Variants in TMPRSS11F observed in about 807,000 individuals in gnomAD.
TMPRSS11F encodes the protein transmembrane protease serine 11F.
Under a neutral mutation model 60.2 loss-of-function variants are expected in TMPRSS11F, and 47 were observed. The observed-to-expected ratio is 0.78, with a 90% confidence interval of 0.62 to 1.00. The LOEUF is 1.00. Among genes scored for constraint, TMPRSS11F ranks in the 50% least tolerant of loss-of-function variants. The pLI is 0.00. For synonymous variants in TMPRSS11F, 166 were observed against 167.3 expected (o/e 0.99, Z 0.06); for missense variants, 519 against 522.9 (o/e 0.99, Z 0.07).
chr4:68,063,352 T>C lies in TMPRSS11F; in HGVS notation c.1015+1333A>G, dbSNP rs185361665. 2.4e-4 allele frequency: 106 copies of C among 442,614 alleles called. 1 individual carries two copies. In the Admixed American group the frequency reaches 3.0e-3, roughly 12 times the overall value. 27.4% of individuals were successfully genotyped at this position (442,614 alleles called of 1,614,324 possible). On this transcript the variant is annotated intron_variant, in intron 8 of 9. Transcript: ENST00000356291. ...TCATTAAAACATTCAGTTAATCTTTTTCTCTCTTTTTTTTTGTTTTCTGTT... is the reference window on the plus strand; with the variant it reads ...TCATTAAAACATTCAGTTAATCTTTCTCTCTCTTTTTTTTTGTTTTCTGTT...
chr4:68,092,793 C>T (rs1279401161), intron 2 of TMPRSS11F, among the ~76,000 whole-genome samples: 1 of 152,014 alleles, frequency 6.6e-6, no homozygotes, highest in Admixed American at 6.6e-5. Flanking sequence ...ATACATATCC[C>T]TATATTGTCT....
chr4:68,088,599 A>C (rs1213833335), intron 3 of TMPRSS11F, among the ~76,000 whole-genome samples: 1 of 152,144 alleles, frequency 6.6e-6, no homozygotes, highest in Non-Finnish European at 1.5e-5. Flanking sequence ...CATTTTTTTC[A>C]GCACCACACC....
chr4:68,077,775 C>G (rs1295830187), intron 3 of TMPRSS11F: 3 of 152,282 alleles, frequency 2.0e-5, no homozygotes, highest in Non-Finnish European at 4.4e-5. Flanking sequence ...CAGATATCCA[C>G]AGAATATGAG....
intron 1 of TMPRSS11F, among the ~76,000 whole-genome samples, chr4:68,113,477 G>A (rs1305799821): frequency 6.6e-6 from 1 of 150,488 alleles, no homozygotes; most frequent in African/African-American, 2.4e-5. Flanking sequence ...AAAGAAGTAT[G>A]TCTGTATTAA....
intron 1 of TMPRSS11F, among the ~76,000 whole-genome samples, chr4:68,128,654 A>G (rs887799955): frequency 1.3e-5 from 2 of 152,134 alleles, no homozygotes; most frequent in Non-Finnish European, 2.9e-5. Flanking sequence ...CTAATTTTTT[A>G]AAGAAATTTT....
At chr4:68,109,441 A>C (rs928516992) in intron 1 of TMPRSS11F, among the ~76,000 whole-genome samples, 2 of 152,178 alleles carry the variant, frequency 1.3e-5, no homozygotes, top group Admixed American at 6.5e-5. Flanking sequence ...AAGAAATATG[A>C]ATAGGAATTA....
chr4:68,125,267 A>G (rs1724694656), intron 1 of TMPRSS11F, among the ~76,000 whole-genome samples: 1 of 151,882 alleles, frequency 6.6e-6, no homozygotes, highest in Non-Finnish European at 1.5e-5. Context: ...TCACCTGATA[A>G]TAATGCTATA....
intron 1 of TMPRSS11F, among the ~76,000 whole-genome samples, chr4:68,129,032 C>A (rs1401482747): frequency 6.6e-6 from 1 of 152,036 alleles, no homozygotes; most frequent in African/African-American, 2.4e-5. Flanking sequence ...TCAGTCAGTG[C>A]AGAACATGTG....
At chr4:68,109,867 T>C (rs1380312022) in intron 1 of TMPRSS11F, among the ~76,000 whole-genome samples, 1 of 152,168 alleles carries the variant, frequency 6.6e-6, no homozygotes, top group Non-Finnish European at 1.5e-5. Context: ...CATGAGATAA[T>C]TGATGACATC....
chr4:68,102,985 T>TTG (rs1215070072), intron 1 of TMPRSS11F, among the ~76,000 whole-genome samples: 1 of 3,918 alleles, frequency 2.6e-4, no homozygotes, highest in African/African-American at 2.6e-4. Context: ...TTTTGAGTTG[T>TTG]TTTTTTTTTT....
chr4:68,091,683 AT>A (rs762121122), intron 2 of TMPRSS11F, among the ~76,000 whole-genome samples: 4 of 151,488 alleles, frequency 2.6e-5, no homozygotes, highest in Non-Finnish European at 5.9e-5. Flanking sequence ...TTTCATCCTC[AT>A]TTCCAATATC....
At chr4:68,099,150 C>T (rs925954287) in intron 1 of TMPRSS11F, 112 bp from the exon 2 acceptor site, 2 of 845,280 alleles carry the variant, frequency 2.4e-6, no homozygotes, top group Admixed American at 6.4e-5. Flanking sequence ...TAACAGTGAG[C>T]AACTTAGACC....
chr4:68,071,714 C>T (rs1001761254), intron 5 of TMPRSS11F, among the ~76,000 whole-genome samples: 3 of 151,952 alleles, frequency 2.0e-5, no homozygotes, highest in South Asian at 2.1e-4. Context: ...CCTTTTCTTC[C>T]GCTTTGGAAG....
chr4:68,115,087 C>T (rs140977014), intron 1 of TMPRSS11F, among the ~76,000 whole-genome samples: 44 of 151,028 alleles, frequency 2.9e-4, no homozygotes, highest in African/African-American at 9.9e-4. Context: ...CAGTGGCTCA[C>T]GCCTGTAATC....
At chr4:68,116,572 C>G (rs1724524084) in intron 1 of TMPRSS11F, among the ~76,000 whole-genome samples, 1 of 152,052 alleles carries the variant, frequency 6.6e-6, no homozygotes, top group South Asian at 2.1e-4. Flanking sequence ...CTAGAGGTAC[C>G]ACACTCCCTG....
At chr4:68,109,314 A>G (rs1240574519) in intron 1 of TMPRSS11F, among the ~76,000 whole-genome samples, 1 of 152,070 alleles carries the variant, frequency 6.6e-6, no homozygotes, top group Non-Finnish European at 1.5e-5. Context: ...AAAATCACTT[A>G]TACATTTACA....
intron 1 of TMPRSS11F, among the ~76,000 whole-genome samples, chr4:68,115,996 T>TGC (rs1376306142): frequency 1.3e-5 from 2 of 152,148 alleles, no homozygotes; most frequent in African/African-American, 4.8e-5. Flanking sequence ...TGTGAGTCCT[T>TGC]CAGCTTTTTA....
chr4:68,079,711 G>A (rs765334739), intron 3 of TMPRSS11F, among the ~76,000 whole-genome samples: 3 of 152,060 alleles, frequency 2.0e-5, no homozygotes, highest in Non-Finnish European at 4.4e-5. Context: ...CATTTTACTA[G>A]AGATTATTCT....
intron 1 of TMPRSS11F, among the ~76,000 whole-genome samples, chr4:68,123,612 G>T (rs1388335842): frequency 6.6e-6 from 1 of 152,108 alleles, no homozygotes; most frequent in Non-Finnish European, 1.5e-5. Flanking sequence ...TTTGAGATTG[G>T]AAATTAAAGT....
Sources: allele counts gnomAD v4.1 joint callset (sites outside exome capture counted in the v4.1 genomes callset), GRCh38; gene constraint gnomAD v4.1.1; transcripts MANE v1.5; gene names NCBI Gene and HGNC (gene_info 2026-07-23, HGNC 2026-07-21).